EPCAM: variants seen among roughly 807,000 people sequenced by gnomAD.
EPCAM encodes epithelial cell adhesion molecule.
A neutral mutation model predicts 40.0 loss-of-function variants in EPCAM; 39 were observed. The observed-to-expected ratio is 0.98, with a 90% CI of 0.76 to 1.27. The LOEUF is 1.27. Ranked by LOEUF, EPCAM falls within the 50% of genes most tolerant of loss-of-function variation. The pLI is 0.00. For missense variants in EPCAM, 503 were observed against 381.2 expected (o/e 1.32, Z -2.66); for synonymous variants, 168 against 132.3 (o/e 1.27, Z -1.85).
At chr2:47,379,152 CA>C in intron 6 of EPCAM, 98 bp downstream of exon 6, 1 of 765,634 alleles carries the variant, frequency 1.3e-6, no homozygotes. Context: ...ACTTACAGAT[CA>C]ACCAAATGGT....
intron 8 of EPCAM, among the ~76,000 whole-genome samples, chr2:47,385,747 A>G (rs1207002646): frequency 2.0e-5 from 3 of 152,172 alleles, no homozygotes; most frequent in Non-Finnish European, 4.4e-5. Context: ...GTGTCTTTGT[A>G]GTTGTATGTG....
Position 47,379,664 on chromosome 2 carries a change from G to T in EPCAM, c.658-105G>T. On this transcript the variant is annotated intron_variant, in intron 6 of 8. Transcript: ENST00000263735. ...AGATTGTTATCACTAAAACCATAAA[G>T]ATTCTTGGCAGCGGTTCTTTTGGCA... 3 of 1,300,270 alleles carry T rather than the reference G, an allele frequency of 2.3e-6. No homozygotes were observed. In the South Asian group the frequency reaches 3.9e-5, roughly 17 times the overall value. 80.5% of individuals were successfully genotyped at this position (1,300,270 alleles called of 1,614,324 possible).
chr2:47,382,224 G>C (rs1487441179), intron 7 of EPCAM, among the ~76,000 whole-genome samples: 1 of 152,074 alleles, frequency 6.6e-6, no homozygotes, highest in African/African-American at 2.4e-5. Flanking sequence ...AATTGATGAG[G>C]AAACCTAAAG....
At chr2:47,375,588 A>G (rs554465966) in intron 4 of EPCAM, among the ~76,000 whole-genome samples, 1 of 152,320 alleles carries the variant, frequency 6.6e-6, no homozygotes, top group South Asian at 2.1e-4. Context: ...CCAGAAGCAC[A>G]TGAGAGCAAG....
At position 47,379,160 on chromosome 2, in the gene EPCAM, T is replaced by A; in HGVS notation, c.657+106T>A. The A allele has an allele frequency of 1.1e-5, 8 of 730,910 alleles. No homozygotes were observed. In the South Asian group the frequency reaches 1.2e-4, roughly 11 times the overall value. 45.3% of individuals were successfully genotyped at this position (730,910 alleles called of 1,614,324 possible). On this transcript the variant is annotated intron_variant, in intron 6 of 8. Transcript: ENST00000263735. ...TTTATCCACTTACAGATCAACCAAA[T>A]GGTTCGCTGCTGCCGTTAATTTTGT...
At chr2:47,372,034 T>C (rs1488069999) in intron 1 of EPCAM, among the ~76,000 whole-genome samples, 1 of 152,206 alleles carries the variant, frequency 6.6e-6, no homozygotes, top group Non-Finnish European at 1.5e-5. Flanking sequence ...TATTCGAAGT[T>C]AAATGAACTT....
intron 5 of EPCAM, chr2:47,377,659 C>G (rs753759736): frequency 2.3e-5 from 7 of 302,098 alleles, no homozygotes; most frequent in South Asian, 1.8e-4. Flanking sequence ...CCTGGAGAAC[C>G]TGTCCCTGTG....
chr2:47,381,005 G>A (rs1267851078), intron 7 of EPCAM, among the ~76,000 whole-genome samples: 2 of 136,884 alleles, frequency 1.5e-5, no homozygotes, highest in African/African-American at 5.4e-5. Context: ...AGAATAGCTT[G>A]AACCTGGGAA....
rs1317937191 is a variant in EPCAM at position 47,369,479 on chromosome 2, C to T, written c.-27C>T. 6.6e-7 allele frequency: 1 copy of T among 1,504,322 alleles called. No homozygotes were observed. Among genetic ancestry groups the T allele is most frequent in the South Asian group, 1.2e-5 (1 of 80,170 alleles). 93.2% of individuals were successfully genotyped at this position (1,504,322 alleles called of 1,614,324 possible). On this transcript the variant is annotated 5_prime_UTR_variant, in exon 1 of 9. Coordinates refer to ENST00000263735, the MANE Select transcript of EPCAM (RefSeq NM_002354.3). Reference sequence around the variant, plus strand: ...TCCCGCGAGTCCCGGGCCCCTCCCGCGCCCCTCTTCTCGGCGCGCGCGCAG... The same window carrying T: ...TCCCGCGAGTCCCGGGCCCCTCCCGTGCCCCTCTTCTCGGCGCGCGCGCAG...
intron 7 of EPCAM, among the ~76,000 whole-genome samples, chr2:47,381,763 C>G (rs1671597271): frequency 6.6e-6 from 1 of 152,120 alleles, no homozygotes; most frequent in African/African-American, 2.4e-5. Context: ...AGAAAAGATA[C>G]ATATATGTGT....
chr2:47,371,931 T>G (rs186831114), intron 1 of EPCAM, among the ~76,000 whole-genome samples: 141 of 152,234 alleles, frequency 9.3e-4, no homozygotes, highest in Non-Finnish European at 1.7e-3. Context: ...TAGCTTTTTC[T>G]TTTTTTTCCT....
rs2103737869 is a variant in EPCAM at position 47,369,495 on chromosome 2, G to C, written c.-11G>C. ...CCCCTCCCGCGCCCCTCTTCTCGGC[G>C]CGCGCGCAGCATGGCGCCCCCGCAG... is the stretch of plus-strand genomic sequence containing the variant. On this transcript the variant is annotated 5_prime_UTR_variant, in exon 1 of 9. Transcript: ENST00000263735. The C allele has an allele frequency of 6.5e-7, 1 of 1,529,646 alleles. No homozygotes were observed. The highest frequency in any genetic ancestry group is 8.7e-7 in the Non-Finnish European group (1 of 1,143,248). 94.8% of individuals were successfully genotyped at this position (1,529,646 alleles called of 1,614,324 possible). A position where few individuals can be genotyped will look rare whatever the true frequency, so the allele number is the denominator to read the frequency against.
chr2:47,385,457 C>T (rs977532415), intron 8 of EPCAM, among the ~76,000 whole-genome samples: 1 of 152,160 alleles, frequency 6.6e-6, no homozygotes, highest in Non-Finnish European at 1.5e-5. Flanking sequence ...TTTTATTCTA[C>T]AAAGAGTCAA....
chr2:47,382,640 C>G (rs1671623969), intron 7 of EPCAM, among the ~76,000 whole-genome samples: 1 of 152,120 alleles, frequency 6.6e-6, no homozygotes, highest in Admixed American at 6.5e-5. Flanking sequence ...GAGCCGAGAT[C>G]ATGTCATTGC....
At position 47,373,391 on chromosome 2, in the gene EPCAM, A is replaced by C. The variant is rs991208638; in HGVS notation, c.77-72A>C. On this transcript the variant is annotated intron_variant, in intron 1 of 8. Transcript: ENST00000263735. ...TTGTAACTTTAGGCATTATTATTACAATATAACTTAGCTGGGACATGAGAG... is the reference window on the plus strand; with the variant it reads ...TTGTAACTTTAGGCATTATTATTACCATATAACTTAGCTGGGACATGAGAG... 6.4e-6 allele frequency: 6 copies of C among 940,432 alleles called. No individual in the cohort carries two copies. In the African/African-American group the frequency reaches 9.8e-5, roughly 15 times the overall value. The allele number at this position is 940,432 out of a possible 1,614,324, so 58.3% of individuals were successfully genotyped here. A position where few individuals can be genotyped will look rare whatever the true frequency, so the allele number is the denominator to read the frequency against.
At chr2:47,375,362 C>G (rs1671395594) in intron 4 of EPCAM, 63 bp downstream of exon 4, 2 of 1,075,178 alleles carry the variant, frequency 1.9e-6, no homozygotes, top group Admixed American at 1.7e-5. Flanking sequence ...CCATCCTACA[C>G]CATTAGAAAA....
At chr2:47,377,220 C>T in intron 5 of EPCAM, 143 bp downstream of exon 5, 2 of 708,560 alleles carry the variant, frequency 2.8e-6, no homozygotes, top group Admixed American at 2.1e-5. Context: ...ATGTGAATTT[C>T]CTGTTACTGT....
intron 6 of EPCAM, 71 bp downstream of exon 6, chr2:47,379,125 T>C (rs1671507452): frequency 2.3e-6 from 2 of 882,032 alleles, no homozygotes; most frequent in Middle Eastern, 4.3e-4. Flanking sequence ...TAAATATATT[T>C]CATCACCTTT....
Position 47,377,089 on chromosome 2 carries a change from T to C in EPCAM, c.555+12T>C, listed in dbSNP as rs1202123923. On this transcript the variant is annotated intron_variant, in intron 5 of 8. Coordinates refer to ENST00000263735, the MANE Select transcript of EPCAM (RefSeq NM_002354.3). ...TCACGAGTATTTTGGTATGATTTTT[T>C]AATAAGTGAGCTTTAGCAGACAGTT... is the stretch of plus-strand genomic sequence containing the variant. The C allele has an allele frequency of 6.4e-7, 1 of 1,562,920 alleles. No individual in the cohort carries two copies. Among genetic ancestry groups the C allele is most frequent in the Non-Finnish European group, 8.8e-7 (1 of 1,133,432 alleles).
Sources: gnomAD v4.1 joint callset for allele counts (sites outside exome capture counted in the v4.1 genomes callset) on GRCh38, gnomAD v4.1.1 for gene constraint, MANE v1.5 for transcripts, NCBI Gene and HGNC (gene_info 2026-07-23, HGNC 2026-07-21) for gene names.